Variants in STX12 observed in about 807,000 individuals in gnomAD.
STX12 encodes the protein syntaxin-12.
STX12 carries 17 observed loss-of-function variants against 42.2 expected under a neutral mutation model. That is an observed-to-expected ratio of 0.40 (90% CI 0.28 to 0.60). STX12 has a LOEUF of 0.60. Among genes scored for constraint, STX12 ranks in the 20% least tolerant of loss-of-function variants. STX12 has a pLI of 0.39. For missense variants in STX12, 297 were observed against 330.9 expected, an observed-to-expected ratio of 0.90 and a Z score of 0.79; for synonymous variants, 108 against 116.7, an observed-to-expected ratio of 0.93 and a Z score of 0.48.
intron 4 of STX12, among the ~76,000 whole-genome samples, chr1:27,806,534 T>C (rs895592928): frequency 1.3e-5 from 2 of 152,158 alleles, no homozygotes; most frequent in East Asian, 1.9e-4. Flanking sequence ...TAGAAAGATA[T>C]GTATTGAGGG....
chr1:27,775,548 A>G (rs1262314730), intron 1 of STX12, among the ~76,000 whole-genome samples: 1 of 152,256 alleles, frequency 6.6e-6, no homozygotes, highest in Non-Finnish European at 1.5e-5. Flanking sequence ...CCAGGATTAC[A>G]GGCATGAATC....
chr1:27,809,577 C>A (rs1436043530), intron 4 of STX12, among the ~76,000 whole-genome samples: 1 of 150,858 alleles, frequency 6.6e-6, no homozygotes, highest in South Asian at 2.1e-4. Flanking sequence ...CTACCTTAGC[C>A]TCCTGAGTAG....
At chr1:27,774,817 G>A (rs1047169837) in intron 1 of STX12, among the ~76,000 whole-genome samples, 6 of 152,080 alleles carry the variant, frequency 3.9e-5, no homozygotes, top group Admixed American at 1.3e-4. Flanking sequence ...GGACTACAAG[G>A]ATGCATCTAC....
chr1:27,791,090 A>G (rs1239039020), intron 2 of STX12, among the ~76,000 whole-genome samples: 1 of 152,068 alleles, frequency 6.6e-6, no homozygotes, highest in African/African-American at 2.4e-5. Context: ...GTGAAACTCC[A>G]TCTCTACTAA....
chr1:27,792,300 G>T lies in STX12; in HGVS notation c.189-1233G>T. Among the ~76,000 whole-genome samples the T allele has an allele frequency of 1.6e-5, 2 of 128,822 alleles. 1 individual carries two copies. The highest frequency in any genetic ancestry group is 6.0e-5 in the African/African-American group (2 of 33,250). The allele number at this position is 128,822 out of a possible 152,430, so 84.5% of individuals were successfully genotyped here. A position where few individuals can be genotyped will look rare whatever the true frequency, so the allele number is the denominator to read the frequency against. ...TATATATATGTAGATACATATATATGTATCTATATATATGTAGATACATAT... is the reference window on the plus strand; with the variant it reads ...TATATATATGTAGATACATATATATTTATCTATATATATGTAGATACATAT... On this transcript the variant is annotated intron_variant, in intron 2 of 8. Transcript: ENST00000373943.
At chr1:27,816,939 A>C (rs1186071791) in intron 6 of STX12, among the ~76,000 whole-genome samples, 3 of 140,188 alleles carry the variant, frequency 2.1e-5, no homozygotes, top group Non-Finnish European at 4.6e-5. Flanking sequence ...AGAGAAAGGA[A>C]GGAAAGAGAG....
intron 4 of STX12, chr1:27,802,046 T>C: frequency 6.5e-6 from 2 of 305,830 alleles, no homozygotes; most frequent in Non-Finnish European, 1.2e-5. Flanking sequence ...ATTTTCTTTT[T>C]CATTTTGATA....
chr1:27,808,149 G>T (rs557721405), intron 4 of STX12, among the ~76,000 whole-genome samples: 1 of 151,814 alleles, frequency 6.6e-6, no homozygotes, highest in Non-Finnish European at 1.5e-5. Context: ...TGGGGAAAAA[G>T]ATAAAGTAAA....
chr1:27,811,838 C>G (rs1267303249), intron 5 of STX12, among the ~76,000 whole-genome samples: 8 of 152,268 alleles, frequency 5.3e-5, no homozygotes, highest in Non-Finnish European at 1.5e-5. Context: ...TCAATGAGTT[C>G]AAATCTCTGG....
chr1:27,793,624 T>G lies in STX12; in HGVS notation c.280T>G (p.Ser94Ala). ...LGSLPLPLST[S>A]EQRQQRLQKE... is the part of the protein sequence containing the mutation. Reference sequence around the variant, plus strand: ...GTCCTTGCCCCTTCCCTTATCTACTTCAGAACAGGTTGGTATTTTCTGTTT... The same window carrying G: ...GTCCTTGCCCCTTCCCTTATCTACTGCAGAACAGGTTGGTATTTTCTGTTT... Residue 94 changes from serine to alanine, a missense_variant, in exon 3 of 9, where the codon TCA (serine) becomes GCA (alanine). By Grantham distance (99) the Ser-to-Ala change is moderately conservative (BLOSUM62 1). Coordinates refer to ENST00000373943, the MANE Select transcript of STX12 (RefSeq NM_177424.3). The G allele has an allele frequency of 6.2e-7, 1 of 1,613,352 alleles. No individual in the cohort carries two copies. The highest frequency in any genetic ancestry group is 8.5e-7 in the Non-Finnish European group (1 of 1,179,358).
chr1:27,793,969 T>C (rs1439996865), intron 3 of STX12, among the ~76,000 whole-genome samples: 1 of 151,864 alleles, frequency 6.6e-6, no homozygotes, highest in African/African-American at 2.4e-5. Flanking sequence ...CAGTTTTATG[T>C]TTGTAGGCTT....
intron 6 of STX12, among the ~76,000 whole-genome samples, chr1:27,814,238 C>T (rs541253596): frequency 2.0e-5 from 3 of 152,192 alleles, no homozygotes; most frequent in Admixed American, 6.5e-5. Flanking sequence ...AATTGTCTAA[C>T]ATTAGAAATA....
At chr1:27,791,790 A>T (rs1475811786) in intron 2 of STX12, among the ~76,000 whole-genome samples, 4 of 151,660 alleles carry the variant, frequency 2.6e-5, no homozygotes, top group Admixed American at 2.6e-4. Context: ...ACTCCAGCCT[A>T]GGTGACAGAG....
chr1:27,812,540 C>T (rs1014504802), intron 6 of STX12, among the ~76,000 whole-genome samples: 5 of 151,492 alleles, frequency 3.3e-5, no homozygotes, highest in African/African-American at 1.2e-4. Context: ...CTCCTGGGTT[C>T]GAGCGATTCT....
At chr1:27,786,416 T>A (rs892475539) in intron 1 of STX12, among the ~76,000 whole-genome samples, 1 of 152,210 alleles carries the variant, frequency 6.6e-6, no homozygotes, top group African/African-American at 2.4e-5. Flanking sequence ...TAGTATCCTC[T>A]GCCCACCACT....
In STX12 at chr1:27,773,395, AG is replaced by A; in HGVS notation, c.89del (p.Ser30ThrfsTer14). 1.2e-6 allele frequency: 2 copies of A among 1,613,680 alleles called. No individual in the cohort carries two copies. The highest frequency in any genetic ancestry group is 1.7e-6 in the Non-Finnish European group (2 of 1,179,774). On this transcript the variant is annotated frameshift_variant, in exon 1 of 9. Coordinates refer to ENST00000373943, the MANE Select transcript of STX12 (RefSeq NM_177424.3). LOFTEE classifies it high-confidence loss of function. ...RDFSSIIQTCSGNIQRISQAT... is the reference protein window; with the variant it reads ...RDFSSIIQTCXGNIQRISQAT... Reference sequence around the variant, plus strand: ...CTTCAGCAGCATCATCCAGACGTGCAGCGGCAACATCCAGCGGATCAGCCAA... The same window carrying A: ...CTTCAGCAGCATCATCCAGACGTGCACGGCAACATCCAGCGGATCAGCCAA...
rs1380070598 is a variant in STX12, at chr1:27,773,301, C to A, written c.-7C>A. 6 of 1,566,352 alleles carry A rather than the reference C, an allele frequency of 3.8e-6. No homozygotes were observed. Among genetic ancestry groups the A allele is most frequent in the African/African-American group, 1.4e-5 (1 of 72,370 alleles). On this transcript the variant is annotated 5_prime_UTR_variant, in exon 1 of 9. Coordinates refer to ENST00000373943, the MANE Select transcript of STX12 (RefSeq NM_177424.3). ...GGTGTAGAGCGAGCAGGTCTCAGCT[C>A]CTCGTCATGTCATACGGTCCCTTAG...
Position 27,822,299 on chromosome 1 carries a change from T to A in STX12, c.801T>A (p.Leu267=). The A allele has an allele frequency of 1.2e-6, 2 of 1,613,130 alleles. No individual in the cohort carries two copies. Among genetic ancestry groups the A allele is most frequent in the Non-Finnish European group, 1.7e-6 (2 of 1,179,086 alleles). The change falls in exon 9 of 9, where the codon CTT becomes CTA. Residue 267 remains leucine (L), a synonymous_variant. Coordinates refer to ENST00000373943, the MANE Select transcript of STX12 (RefSeq NM_177424.3). ...VLSVIILILG[L]IIWLVYKTK is the part of the protein sequence containing the mutation. ...CAGTGATTATTCTAATCTTGGGACT[T>A]ATTATCTGGCTAGTTTATAAAACGA...
chr1:27,788,709 A>G (rs1320511498), intron 1 of STX12, among the ~76,000 whole-genome samples: 1 of 152,162 alleles, frequency 6.6e-6, no homozygotes, highest in East Asian at 1.9e-4. Context: ...CTTACCTGCA[A>G]AATGGAAGTA....
Sources: allele counts gnomAD v4.1 joint callset (sites outside exome capture counted in the v4.1 genomes callset), GRCh38; gene constraint gnomAD v4.1.1; transcripts MANE v1.5; gene names NCBI Gene and HGNC (gene_info 2026-07-23, HGNC 2026-07-21).